Variants in NELL1 observed in about 807,000 individuals in gnomAD.
NELL1 encodes protein kinase C-binding protein NELL1.
A neutral mutation model predicts 107.4 loss-of-function variants in NELL1; 76 were observed. The ratio of observed to expected loss-of-function variants is 0.71; its 90% CI spans 0.59 to 0.86. The LOEUF (loss-of-function observed/expected upper bound fraction) is 0.86, where lower values mean the gene tolerates loss of function less well. Ranked by LOEUF, NELL1 falls within the 40% of genes least tolerant of loss-of-function variation. NELL1 has a pLI of 0.00. For synonymous variants in NELL1, 353 were observed against 341.2 expected, an observed-to-expected ratio of 1.03 and a Z score of -0.38; for missense variants, 1,024 against 1,005.5, an observed-to-expected ratio of 1.02 and a Z score of -0.25.
intron 5 of NELL1, among the ~76,000 whole-genome samples, chr11:20,909,085 A>G (rs1463577651): frequency 1.3e-5 from 2 of 152,230 alleles, no homozygotes; most frequent in Admixed American, 6.5e-5. Flanking sequence ...CAAAAGGACA[A>G]CTATTCTTTA....
intron 13 of NELL1, among the ~76,000 whole-genome samples, chr11:21,119,943 GCAGCGATA>G (rs1368810517): frequency 1.3e-5 from 2 of 152,232 alleles, no homozygotes; most frequent in East Asian, 3.9e-4. Flanking sequence ...ACAAAAGCAT[GCAGCGATA>G]AGACAGATAC....
At chr11:21,558,456 A>G (rs749325541) in intron 16 of NELL1, among the ~76,000 whole-genome samples, 14 of 151,760 alleles carry the variant, frequency 9.2e-5, no homozygotes, top group South Asian at 6.2e-4. Flanking sequence ...AATATTCTCA[A>G]TTTTCAAGCA....
rs139695256 is a variant in NELL1, at chr11:21,146,776, C to G, written c.1426+33062C>G. ...GTATCACTTTGGCCGGGTGCGGTGACTCATGCCTGTAATCCCAGCACTTTT... is the reference window on the plus strand; with the variant it reads ...GTATCACTTTGGCCGGGTGCGGTGAGTCATGCCTGTAATCCCAGCACTTTT... On this transcript the variant is annotated intron_variant, in intron 13 of 19. Transcript: ENST00000357134. Among the ~76,000 whole-genome samples, 579 of 151,230 alleles carry G rather than the reference C, an allele frequency of 3.8e-3. 1 individual carries two copies. Among genetic ancestry groups the G allele is most frequent in the Non-Finnish European group, 7.0e-3 (474 of 67,808 alleles).
chr11:20,940,977 A>C (rs1850840999), intron 10 of NELL1, among the ~76,000 whole-genome samples: 1 of 152,098 alleles, frequency 6.6e-6, no homozygotes, highest in African/African-American at 2.4e-5. Context: ...TGTCTCTCCC[A>C]AAAATACAAA....
chr11:21,277,669 A>G (rs955617655), intron 14 of NELL1, among the ~76,000 whole-genome samples: 1 of 152,222 alleles, frequency 6.6e-6, no homozygotes. Context: ...TCAGTGATAG[A>G]CTGGATTAAG....
intron 12 of NELL1, among the ~76,000 whole-genome samples, chr11:20,991,689 G>A (rs531480900): frequency 6.6e-6 from 1 of 152,304 alleles, no homozygotes; most frequent in South Asian, 2.1e-4. Flanking sequence ...CTCAGTCAAT[G>A]CCTCCTGGCG....
chr11:20,809,632 C>A (rs1048053571), intron 3 of NELL1, among the ~76,000 whole-genome samples: 1 of 152,170 alleles, frequency 6.6e-6, no homozygotes, highest in Non-Finnish European at 1.5e-5. Context: ...GTATTTGTCT[C>A]TGTCTACCAG....
At chr11:21,000,446 C>T (rs1852191686) in intron 12 of NELL1, among the ~76,000 whole-genome samples, 1 of 152,070 alleles carries the variant, frequency 6.6e-6, no homozygotes, top group African/African-American at 2.4e-5. Context: ...TGATCTTTAC[C>T]CAGAATCCTC....
chr11:21,123,076 G>A (rs111472306), intron 13 of NELL1, among the ~76,000 whole-genome samples: 1 of 151,890 alleles, frequency 6.6e-6, no homozygotes, highest in Non-Finnish European at 1.5e-5. Flanking sequence ...GAGTCAGAAG[G>A]GAAAAGAGAT....
chr11:20,957,964 A>C (rs1483240185), intron 11 of NELL1, among the ~76,000 whole-genome samples: 1 of 152,216 alleles, frequency 6.6e-6, no homozygotes, highest in East Asian at 1.9e-4. Flanking sequence ...AAATAGAGAA[A>C]AACGTGGAAA....
chr11:21,529,937 T>C (rs1855953633), intron 15 of NELL1, among the ~76,000 whole-genome samples: 1 of 152,158 alleles, frequency 6.6e-6, no homozygotes, highest in Admixed American at 6.6e-5. Flanking sequence ...AGCAGGAATT[T>C]GAAGTCATGT....
At chr11:20,721,668 G>A (rs958309842) in intron 2 of NELL1, among the ~76,000 whole-genome samples, 1 of 152,198 alleles carries the variant, frequency 6.6e-6, no homozygotes, top group Non-Finnish European at 1.5e-5. Context: ...ATATTTGTGA[G>A]CACTGTTGGT....
intron 15 of NELL1, among the ~76,000 whole-genome samples, chr11:21,389,369 T>G (rs1442217615): frequency 6.6e-6 from 1 of 151,842 alleles, no homozygotes; most frequent in African/African-American, 2.4e-5. Flanking sequence ...GCTTTTAAAT[T>G]TAAGTCACTC....
Position 21,176,390 on chromosome 11 carries a change from C to T in NELL1, c.1427-52942C>T, listed in dbSNP as rs565238997. Reference sequence around the variant, plus strand: ...ATTTCCAGAGCCCTCTTGTCTTACTCGCATGGGATTATTGGAAAGTGATGG... The same window carrying T: ...ATTTCCAGAGCCCTCTTGTCTTACTTGCATGGGATTATTGGAAAGTGATGG... On this transcript the variant is annotated intron_variant, in intron 13 of 19. Transcript: ENST00000357134. Among the ~76,000 whole-genome samples the T allele has an allele frequency of 2.0e-5, 3 of 151,802 alleles. No homozygotes were observed. In the South Asian group the frequency reaches 6.2e-4, roughly 31 times the overall value.
At chr11:21,530,539 C>T (rs574918318) in intron 15 of NELL1, among the ~76,000 whole-genome samples, 119 of 152,074 alleles carry the variant, frequency 7.8e-4, no homozygotes, top group African/African-American at 2.7e-3. Flanking sequence ...AAATTCATGG[C>T]ACACGTAGGA....
chr11:21,186,491 T>C (rs1856938231), intron 13 of NELL1, among the ~76,000 whole-genome samples: 1 of 151,926 alleles, frequency 6.6e-6, no homozygotes, highest in Non-Finnish European at 1.5e-5. Flanking sequence ...TTTGTTCGTC[T>C]AAGACATCTC....
intron 13 of NELL1, among the ~76,000 whole-genome samples, chr11:21,180,668 A>T (rs1174302174): frequency 6.6e-6 from 1 of 151,512 alleles, no homozygotes; most frequent in Non-Finnish European, 1.5e-5. Context: ...CTTTCTCTAC[A>T]TTTTATCATA....
chr11:21,181,860 G>T (rs1231372347), intron 13 of NELL1, among the ~76,000 whole-genome samples: 1 of 151,766 alleles, frequency 6.6e-6, no homozygotes, highest in Non-Finnish European at 1.5e-5. Context: ...AAGACATGCT[G>T]GCTTCTGAGT....
At chr11:21,215,881 C>A (rs1479670546) in intron 13 of NELL1, among the ~76,000 whole-genome samples, 1 of 152,116 alleles carries the variant, frequency 6.6e-6, no homozygotes, top group Non-Finnish European at 1.5e-5. Context: ...GAAATTCAAG[C>A]CCACTGCAGA....
Sources: gnomAD v4.1 joint callset for allele counts (sites outside exome capture counted in the v4.1 genomes callset) on GRCh38, gnomAD v4.1.1 for gene constraint, MANE v1.5 for transcripts, NCBI Gene and HGNC (gene_info 2026-07-23, HGNC 2026-07-21) for gene names.